Variants in NETO1 observed in about 807,000 individuals in gnomAD.
NETO1 encodes neuropilin and tolloid like 1, also known as neuropilin and tolloid-like protein 1.
Under a neutral mutation model 61.3 loss-of-function variants are expected in NETO1, and 26 were observed. The observed-to-expected ratio is 0.42, with a 90% CI of 0.31 to 0.59. NETO1 has a LOEUF of 0.59. Ranked by LOEUF, NETO1 falls within the 20% of genes least tolerant of loss-of-function variation. The pLI is 0.12. For missense variants in NETO1, 531 were observed against 662.8 expected (o/e 0.80, Z 2.18); for synonymous variants, 225 against 225.8 (o/e 1.00, Z 0.03).
intron 4 of NETO1, among the ~76,000 whole-genome samples, chr18:72,839,737 A>C (rs909989169): frequency 2.0e-5 from 3 of 152,242 alleles, no homozygotes; most frequent in Admixed American, 6.5e-5. Context: ...AAAGGAACAG[A>C]AAAATGGGAA....
At chr18:72,845,213 G>C in intron 4 of NETO1, among the ~76,000 whole-genome samples, 1 of 152,180 alleles carries the variant, frequency 6.6e-6, no homozygotes, top group East Asian at 1.9e-4. Flanking sequence ...AGTAATATAA[G>C]TAGCCTGACT....
At chr18:72,812,653 C>T (rs1451848148) in intron 4 of NETO1, among the ~76,000 whole-genome samples, 2 of 152,130 alleles carry the variant, frequency 1.3e-5, no homozygotes, top group Admixed American at 1.3e-4. Context: ...ATCATTTGTT[C>T]CACCTAGTCC....
At chr18:72,836,635 T>A (rs1228806167) in intron 4 of NETO1, among the ~76,000 whole-genome samples, 1 of 152,138 alleles carries the variant, frequency 6.6e-6, no homozygotes, top group Admixed American at 6.5e-5. Flanking sequence ...CACAGAATAT[T>A]TATATTGCAA....
At chr18:72,853,865 G>A (rs1001639659) in intron 4 of NETO1, among the ~76,000 whole-genome samples, 6 of 151,620 alleles carry the variant, frequency 4.0e-5, no homozygotes, top group South Asian at 2.1e-4. Context: ...TAAATAATAC[G>A]AAGATTTTTT....
Position 72,780,608 on chromosome 18 carries a change from C to A in NETO1, c.868+3070G>T, listed in dbSNP as rs542439348. 4.6e-5 allele frequency among the ~76,000 whole-genome samples: 7 copies of A among 152,242 alleles called. No homozygotes were observed. The East Asian group carries it at 1.4e-3, about 29-fold the overall frequency. On this transcript the variant is annotated intron_variant, in intron 7 of 10. Transcript: ENST00000327305. ...ATAATAATCCATTTTCAGATCCAAT[C>A]ACCCATCTATCCATATTTTATATCC... is the stretch of plus-strand genomic sequence containing the variant.
intron 8 of NETO1, among the ~76,000 whole-genome samples, chr18:72,754,228 AAT>A (rs1440751617): frequency 6.6e-6 from 1 of 152,134 alleles, no homozygotes; most frequent in Non-Finnish European, 1.5e-5. Context: ...GTTGGACTAG[AAT>A]ATACTAACTT....
chr18:72,766,568 A>G (rs1195347013), intron 7 of NETO1, among the ~76,000 whole-genome samples: 2 of 152,162 alleles, frequency 1.3e-5, no homozygotes, highest in Admixed American at 1.3e-4. Flanking sequence ...CTCTGTTCCA[A>G]TATGACTTTT....
At chr18:72,866,401 CTGT>C (rs2074733576) in intron 1 of NETO1, among the ~76,000 whole-genome samples, 1 of 152,024 alleles carries the variant, frequency 6.6e-6, no homozygotes, top group Non-Finnish European at 1.5e-5. Flanking sequence ...GCACTGGCTG[CTGT>C]TGTTACTGTG....
chr18:72,800,787 T>G (rs1215281513), intron 4 of NETO1, among the ~76,000 whole-genome samples: 2 of 152,124 alleles, frequency 1.3e-5, no homozygotes, highest in Non-Finnish European at 2.9e-5. Context: ...GTGATCATAC[T>G]CAGTACTGAA....
intron 4 of NETO1, among the ~76,000 whole-genome samples, chr18:72,827,153 A>G (rs1405938225): frequency 1.3e-5 from 2 of 149,302 alleles, no homozygotes; most frequent in East Asian, 3.9e-4. Flanking sequence ...AATATTTTTA[A>G]AGGCTCAGTA....
chr18:72,749,983 G>T, intron 9 of NETO1, 79 bp downstream of exon 9: 1 of 1,118,344 alleles, frequency 8.9e-7, no homozygotes, highest in Non-Finnish European at 1.3e-6. Flanking sequence ...GAAATATGAA[G>T]ACAAAATAGA....
chr18:72,773,099 C>G (rs1346027172), intron 7 of NETO1, among the ~76,000 whole-genome samples: 1 of 151,804 alleles, frequency 6.6e-6, no homozygotes, highest in Admixed American at 6.6e-5. Flanking sequence ...GCTAGGCTTT[C>G]TGCTATTACA....
At chr18:72,862,667 C>A (rs1387629896) in intron 3 of NETO1, among the ~76,000 whole-genome samples, 1 of 143,196 alleles carries the variant, frequency 7.0e-6, no homozygotes, top group Non-Finnish European at 1.5e-5. Context: ...GTCACCCGGG[C>A]TGGAGCGCAG....
intron 1 of NETO1, among the ~76,000 whole-genome samples, chr18:72,866,302 C>T (rs2074730433): frequency 6.6e-6 from 1 of 152,080 alleles, no homozygotes; most frequent in South Asian, 2.1e-4. Context: ...CTCTAAGAAA[C>T]GTATCTAGGT....
intron 1 of NETO1, chr18:72,866,669 G>T: frequency 1.0e-6 from 1 of 956,280 alleles, no homozygotes; most frequent in Non-Finnish European, 1.2e-6. Flanking sequence ...TTCTTATACT[G>T]CCTTTTACTC....
In NETO1 at chr18:72,783,794, C is replaced by T; in HGVS notation, c.752G>A (p.Cys251Tyr). The change falls in exon 7 of 11, where the codon TGT (cysteine) becomes TAT (tyrosine). Residue 251 changes from cysteine to tyrosine, a missense_variant. Transcript: ENST00000327305. ...SSVEDLKAKF[C>Y]STVANDVMLR... is the part of the protein sequence containing the mutation. ...CATGACATCATTAGCCACAGTGCTA[C>T]AGAACTTAGCTTTCAAATCCTCCAC... 1 of 1,614,192 alleles carries T rather than the reference C, an allele frequency of 6.2e-7. No homozygotes were observed. The highest frequency in any genetic ancestry group is 8.5e-7 in the Non-Finnish European group (1 of 1,180,032).
At chr18:72,865,302 C>T (rs1317034132) in intron 1 of NETO1, 61 bp from the exon 2 acceptor site, 1 of 1,337,478 alleles carries the variant, frequency 7.5e-7, no homozygotes, top group Non-Finnish European at 1.1e-6. Flanking sequence ...CCCATAAAAA[C>T]ATAACATAAT....
intron 6 of NETO1, 139 bp downstream of exon 6, chr18:72,793,978 C>T: frequency 8.7e-7 from 1 of 1,155,530 alleles, no homozygotes; most frequent in South Asian, 1.5e-5. Flanking sequence ...AGTTACATCT[C>T]AAAAACCAAA....
intron 4 of NETO1, among the ~76,000 whole-genome samples, chr18:72,821,991 G>T (rs1486298642): frequency 6.6e-6 from 1 of 152,180 alleles, no homozygotes; most frequent in East Asian, 1.9e-4. Context: ...CCACTGAGGA[G>T]CAGAGAAGCT....
Sources: gnomAD v4.1 joint callset for allele counts (sites outside exome capture counted in the v4.1 genomes callset) on GRCh38, gnomAD v4.1.1 for gene constraint, MANE v1.5 for transcripts, NCBI Gene and HGNC (gene_info 2026-07-23, HGNC 2026-07-21) for gene names.